The following ATF2 variants were observed in gnomAD, a reference collection of about 807,000 sequenced individuals.
The protein encoded by ATF2 is activating transcription factor 2, also known as cyclic AMP-dependent transcription factor ATF-2.
A neutral mutation model predicts 60.6 loss-of-function variants in ATF2; 24 were observed. The observed-to-expected ratio is 0.40, with a 90% CI of 0.29 to 0.56. The LOEUF (loss-of-function observed/expected upper bound fraction) is 0.56. Among genes scored for constraint, ATF2 ranks in the 20% least tolerant of loss-of-function variants. ATF2 has a pLI of 0.54. For synonymous variants in ATF2, 206 were observed against 215.4 expected (o/e 0.96, Z 0.38); for missense variants, 433 against 607.7 (o/e 0.71, Z 3.02).
chr2:175,165,646 T>C (rs1210481163), intron 1 of ATF2, among the ~76,000 whole-genome samples: 1 of 152,218 alleles, frequency 6.6e-6, no homozygotes, highest in East Asian at 1.9e-4. Context: ...AACCCCACTA[T>C]TTGTTAAAAT....
intron 1 of ATF2, among the ~76,000 whole-genome samples, chr2:175,154,232 A>AT (rs1360797102): frequency 2.8e-4 from 40 of 142,974 alleles, no homozygotes; most frequent in East Asian, 1.0e-3. Flanking sequence ...AAAGAAAAAA[A>AT]AAATATATAT....
chr2:175,159,401 T>G (rs1699882778), intron 1 of ATF2, among the ~76,000 whole-genome samples: 1 of 152,200 alleles, frequency 6.6e-6, no homozygotes, highest in Non-Finnish European at 1.5e-5. Context: ...TAATGTTTAG[T>G]TCATCAATTT....
intron 1 of ATF2, among the ~76,000 whole-genome samples, chr2:175,155,420 G>C (rs983819042): frequency 2.0e-5 from 3 of 152,166 alleles, no homozygotes; most frequent in Admixed American, 2.0e-4. Flanking sequence ...GCAAAGCATA[G>C]CTTTAAGAAT....
chr2:175,157,811 G>A (rs1699775660), intron 1 of ATF2, among the ~76,000 whole-genome samples: 1 of 152,014 alleles, frequency 6.6e-6, no homozygotes, highest in South Asian at 2.1e-4. Context: ...TGGCCAAGAT[G>A]GTGAAACCCT....
intron 2 of ATF2, among the ~76,000 whole-genome samples, chr2:175,143,399 G>A (rs1173602016): frequency 6.6e-6 from 1 of 151,904 alleles, no homozygotes; most frequent in South Asian, 2.1e-4. Context: ...CATTTTTAAC[G>A]GCTATATAGT....
chr2:175,156,807 T>C (rs1183956107), intron 1 of ATF2, among the ~76,000 whole-genome samples: 1 of 152,224 alleles, frequency 6.6e-6, no homozygotes, highest in East Asian at 1.9e-4. Flanking sequence ...CCTGGACTTC[T>C]GGCCTACTAA....
At chr2:175,084,926 CTA>C (rs1694048531) in intron 12 of ATF2, among the ~76,000 whole-genome samples, 1 of 152,068 alleles carries the variant, frequency 6.6e-6, no homozygotes, top group African/African-American at 2.4e-5. Flanking sequence ...CCACGTAATT[CTA>C]TGTCTAGGAG....
chr2:175,143,398 C>T (rs370442026), intron 2 of ATF2, among the ~76,000 whole-genome samples: 9 of 152,064 alleles, frequency 5.9e-5, no homozygotes, highest in East Asian at 3.9e-4. Context: ...TCATTTTTAA[C>T]GGCTATATAG....
chr2:175,097,532 C>T lies in ATF2; in HGVS notation c.890G>A (p.Gly297Asp). Reference protein sequence around the residue: ...PPVTNGDTVKGHGSGLVRTQS... With the variant: ...PPVTNGDTVKDHGSGLVRTQS... ...AGTCCTAACCAATCCGCTACCATGA[C>T]CTTTGACAGTATCACCATTGGTAAC... Residue 297 changes from glycine (G) to aspartate (D), a missense_variant, in exon 11 of 14, where the codon GGT (glycine) becomes GAT (aspartate). Physicochemically the swap from Gly to Asp is moderately conservative, Grantham distance 94. Coordinates refer to ENST00000264110, the MANE Select transcript of ATF2 (RefSeq NM_001880.4). The T allele has an allele frequency of 6.2e-7, 1 of 1,614,150 alleles. No homozygotes were observed. Among genetic ancestry groups the T allele is most frequent in the Middle Eastern group, 1.7e-4 (1 of 6,060 alleles).
chr2:175,089,103 C>A (rs1354213780), intron 12 of ATF2, among the ~76,000 whole-genome samples: 2 of 151,824 alleles, frequency 1.3e-5, no homozygotes, highest in Admixed American at 6.6e-5. Flanking sequence ...TTGCTTGAAC[C>A]CGGGAGGTGG....
chr2:175,142,825 CAAGA>C (rs1698672188), intron 2 of ATF2, among the ~76,000 whole-genome samples: 1 of 133,066 alleles, frequency 7.5e-6, no homozygotes, highest in Non-Finnish European at 1.6e-5. Flanking sequence ...AGCGAGCGAG[CAAGA>C]GAGAGAGTGT....
intron 4 of ATF2, among the ~76,000 whole-genome samples, chr2:175,127,666 A>G (rs577354942): frequency 2.6e-5 from 4 of 152,238 alleles, no homozygotes; most frequent in Admixed American, 6.5e-5. Context: ...TCTGTTCTTA[A>G]ACACACCATA....
chr2:175,152,157 A>AATGTAAGAT (rs1263649476), intron 1 of ATF2, among the ~76,000 whole-genome samples: 2 of 152,192 alleles, frequency 1.3e-5, no homozygotes, highest in Non-Finnish European at 2.9e-5. Context: ...TTCATTCTAA[A>AATGTAAGAT]ATGTAAGATG....
intron 2 of ATF2, among the ~76,000 whole-genome samples, chr2:175,145,234 T>C (rs954853742): frequency 1.3e-5 from 2 of 152,146 alleles, no homozygotes; most frequent in Non-Finnish European, 2.9e-5. Context: ...ATAGGTTGAA[T>C]ATATGTCCCT....
At chr2:175,084,175 T>C (rs1045178946) in intron 12 of ATF2, among the ~76,000 whole-genome samples, 4 of 152,114 alleles carry the variant, frequency 2.6e-5, no homozygotes, top group Non-Finnish European at 4.4e-5. Context: ...ATCATGCTGC[T>C]ATAAAGACAC....
chr2:175,086,260 G>A (rs972390182), intron 12 of ATF2, among the ~76,000 whole-genome samples: 6 of 152,044 alleles, frequency 3.9e-5, no homozygotes, highest in African/African-American at 7.2e-5. Flanking sequence ...TCTAATAGTC[G>A]ATTTCATTAA....
chr2:175,145,354 T>C (rs948461495), intron 2 of ATF2, among the ~76,000 whole-genome samples: 3 of 152,178 alleles, frequency 2.0e-5, no homozygotes, highest in African/African-American at 7.2e-5. Context: ...AGTGAATGAA[T>C]ACTCAGGAGA....
chr2:175,166,281 C>G (rs750394160), intron 1 of ATF2, among the ~76,000 whole-genome samples: 22 of 152,238 alleles, frequency 1.4e-4, no homozygotes, highest in Middle Eastern at 3.4e-3. Flanking sequence ...TCTCTCAAAG[C>G]AAGATTAAAC....
At chr2:175,105,628 A>C (rs1299120503) in intron 10 of ATF2, among the ~76,000 whole-genome samples, 1 of 152,216 alleles carries the variant, frequency 6.6e-6, no homozygotes, top group Admixed American at 6.5e-5. Context: ...AAAAAATTCA[A>C]GTAACCAGAA....
Sources: allele counts gnomAD v4.1 joint callset (sites outside exome capture counted in the v4.1 genomes callset), GRCh38; gene constraint gnomAD v4.1.1; transcripts MANE v1.5; gene names NCBI Gene and HGNC (gene_info 2026-07-23, HGNC 2026-07-21).